PUF60: variants seen among roughly 807,000 people sequenced by gnomAD.
PUF60 encodes poly(U)-binding-splicing factor PUF60.
Under a neutral mutation model 61.8 loss-of-function variants are expected in PUF60, and 10 were observed. The ratio of observed to expected loss-of-function variants is 0.16; its 90% CI spans 0.10 to 0.27. The LOEUF (loss-of-function observed/expected upper bound fraction) is 0.27. Among genes scored for constraint, PUF60 ranks in the 10% least tolerant of loss-of-function variants. PUF60 has a pLI of 1.00. For missense variants in PUF60, 371 were observed against 754.0 expected, an observed-to-expected ratio of 0.49 and a Z score of 5.95; for synonymous variants, 353 against 300.9, an observed-to-expected ratio of 1.17 and a Z score of -1.79.
intron 2 of PUF60, chr8:143,823,000 G>A (rs1447157739): frequency 5.9e-6 from 1 of 168,540 alleles, no homozygotes; most frequent in African/African-American, 2.4e-5. Context: ...CAAGCCCCAA[G>A]AACCCCCTCC....
In PUF60 at chr8:143,826,612, G is replaced by A. The variant is rs535870162; in HGVS notation, c.25-2213C>T. ...CACCTGTAATCCCAGCTACTTGGGA[G>A]GCTGAGGTGCTACCATGAATTGCCT... On this transcript the variant is annotated intron_variant, in intron 1 of 11. Coordinates refer to ENST00000526683, the MANE Select transcript of PUF60 (RefSeq NM_078480.3). Among the ~76,000 whole-genome samples the A allele has an allele frequency of 5.9e-5, 9 of 152,300 alleles. No homozygotes were observed. The South Asian group carries it at 1.7e-3, about 28-fold the overall frequency.
intron 1 of PUF60, chr8:143,827,245 G>A: frequency 1.0e-5 from 4 of 395,562 alleles, no homozygotes; most frequent in East Asian, 7.4e-5. Flanking sequence ...CTCTCTATGA[G>A]GTGACATTGC....
At chr8:143,828,823 G>C (rs1049247712) in intron 1 of PUF60, among the ~76,000 whole-genome samples, 46 of 152,114 alleles carry the variant, frequency 3.0e-4, no homozygotes, top group African/African-American at 1.1e-3. Context: ...AGCCAAGGCC[G>C]CCCCATGCTC....
chr8:143,816,406 C>G lies in PUF60; in HGVS notation c.*114G>C. 1 of 1,226,328 alleles carries G rather than the reference C, an allele frequency of 8.2e-7. No homozygotes were observed. The highest frequency in any genetic ancestry group is 1.1e-6 in the Non-Finnish European group (1 of 898,460). The allele number at this position is 1,226,328 out of a possible 1,614,324, so 76.0% of individuals were successfully genotyped here. A position where few individuals can be genotyped will look rare whatever the true frequency, so the allele number is the denominator to read the frequency against. On this transcript the variant is annotated 3_prime_UTR_variant, in exon 12 of 12. Transcript: ENST00000526683. ...GGGCCAGCAGCATCCGCACCTTTATCCGCACTGTAGGCTGGGCTGGGCAGA... is the reference window on the plus strand; with the variant it reads ...GGGCCAGCAGCATCCGCACCTTTATGCGCACTGTAGGCTGGGCTGGGCAGA...
intron 4 of PUF60, 122 bp from the exon 5 acceptor site, chr8:143,820,838 C>G (rs1385942629): frequency 1.1e-6 from 1 of 938,080 alleles, no homozygotes; most frequent in African/African-American, 1.6e-5. Context: ...GGCCGCCTGC[C>G]TTCCCACACT....
At chr8:143,821,765 T>G (rs547659098) in intron 3 of PUF60, 53 bp downstream of exon 3, 4 of 939,366 alleles carry the variant, frequency 4.3e-6, no homozygotes, top group Non-Finnish European at 6.3e-6. Flanking sequence ...CCCCTGCCCC[T>G]GCCCCCAGTT....
intron 5 of PUF60, 93 bp downstream of exon 5, chr8:143,820,573 G>A (rs1816897432): frequency 2.2e-6 from 3 of 1,393,776 alleles, no homozygotes; most frequent in East Asian, 4.6e-5. Flanking sequence ...GGGCCGGCCA[G>A]GGGAGCAAGG....
At position 143,816,574 on chromosome 8, in the gene PUF60, C is replaced by A; in HGVS notation, c.1626G>T (p.Val542=). The change falls in exon 12 of 12, where the codon GTG becomes GTT. Residue 542 remains valine (V), a synonymous_variant. Transcript: ENST00000526683. ...LNGRWFAGRK[V]VAEVYDQERF... is the part of the protein sequence containing the mutation. The stretch of plus-strand genomic sequence containing the variant: ...GCTCCTGGTCGTACACTTCAGCCAC[C>A]ACCTTGCGGCCAGCAAACCAGCGGC... 6.2e-7 allele frequency: 1 copy of A among 1,613,660 alleles called. No homozygotes were observed. Among genetic ancestry groups the A allele is most frequent in the South Asian group, 1.1e-5 (1 of 91,086 alleles).
chr8:143,821,949 C>G, intron 2 of PUF60, 36 bp from the exon 3 acceptor site: 1 of 1,513,280 alleles, frequency 6.6e-7, no homozygotes. Flanking sequence ...CAGCAGCAAG[C>G]TCAAGTTCTC....
Position 143,824,361 on chromosome 8 carries a change from C to G in PUF60, c.63G>C (p.Ala21=). The G allele has an allele frequency of 6.2e-7, 1 of 1,612,650 alleles. No individual in the cohort carries two copies. The highest frequency in any genetic ancestry group is 1.3e-5 in the African/African-American group (1 of 75,050). Reference sequence around the variant, plus strand: ...CCGCTGCCACCACTGCCGCCGCCGCCGCCGGCTCGGACCCCCCTCCTTGCT... The same window carrying G: ...CCGCTGCCACCACTGCCGCCGCCGCGGCCGGCTCGGACCCCCCTCCTTGCT... The part of the protein sequence containing the change: ...NGQQGGGSEP[A]AAAAVVAAGD... Residue 21 remains alanine, a synonymous_variant, in exon 2 of 12, where the codon GCG becomes GCC. Coordinates refer to ENST00000526683, the MANE Select transcript of PUF60 (RefSeq NM_078480.3).
Position 143,818,930 on chromosome 8 carries a change from G to A in PUF60, c.349-396C>T, listed in dbSNP as rs1047923642. On this transcript the variant is annotated intron_variant, in intron 5 of 11. Transcript: ENST00000526683. The surrounding 1 kb of genome is among the most constrained non-coding windows in gnomAD (Gnocchi z 7.9). ...CAAGGACCACGACAGAAGAGGGAAG[G>A]AGGAACCATCCAAGCTGGAGGGACC... 3.4e-5 allele frequency: 8 copies of A among 234,222 alleles called. No homozygotes were observed. The highest frequency in any genetic ancestry group is 1.0e-4 in the Admixed American group (2 of 19,278). The allele number at this position is 234,222 out of a possible 1,614,324, so 14.5% of individuals were successfully genotyped here.
Position 143,828,447 on chromosome 8 carries a change from T to C in PUF60, c.24+833A>G, listed in dbSNP as rs895047244. ...GGTGAGAAGGAAAGACCAGACTTCA[T>C]CGTGCATGTGTTGTGTGCATGGGTG... is the stretch of plus-strand genomic sequence containing the variant. On this transcript the variant is annotated intron_variant, in intron 1 of 11. Coordinates refer to ENST00000526683, the MANE Select transcript of PUF60 (RefSeq NM_078480.3). Among the ~76,000 whole-genome samples, 7 of 152,222 alleles carry C rather than the reference T, an allele frequency of 4.6e-5. No homozygotes were observed. The East Asian group carries it at 5.8e-4, about 13-fold the overall frequency.
intron 1 of PUF60, among the ~76,000 whole-genome samples, chr8:143,826,641 C>G (rs979774180): frequency 6.6e-6 from 1 of 152,170 alleles, no homozygotes; most frequent in Non-Finnish European, 1.5e-5. Context: ...ATTGCCTGAA[C>G]CCAGGAGGCA....
Position 143,816,608 on chromosome 8 carries a change from G to A in PUF60, c.1592C>T (p.Ala531Val), listed in dbSNP as rs1409661791. 1 of 1,613,780 alleles carries A rather than the reference G, an allele frequency of 6.2e-7. No individual in the cohort carries two copies. Among genetic ancestry groups the A allele is most frequent in the South Asian group, 1.1e-5 (1 of 91,084 alleles). ...IASETHKAIQALNGRWFAGRK... is the reference protein window; with the variant it reads ...IASETHKAIQVLNGRWFAGRK... ...GCCAGCAAACCAGCGGCCATTGAGG[G>A]CCTGGATGGCCTTATGAGTCTCAGA... The change falls in exon 12 of 12, where the codon GCC becomes GTC. Residue 531 changes from alanine to valine, a missense_variant. Around this residue, in one of 13 missense-constraint regions of PUF60, gnomAD observed 19 missense variants for 16.9 expected, o/e 1.12. Coordinates refer to ENST00000526683, the MANE Select transcript of PUF60 (RefSeq NM_078480.3).
intron 1 of PUF60, 108 bp from the exon 2 acceptor site, chr8:143,824,507 C>T: frequency 3.3e-6 from 4 of 1,197,552 alleles, no homozygotes; most frequent in South Asian, 1.4e-5. Flanking sequence ...GCAAGGGAGG[C>T]CAGGCAGGGA....
In PUF60 at chr8:143,820,710, C is replaced by T; in HGVS notation, c.304G>A (p.Ala102Thr). ...QQQLTNLQMA[A>T]VTMGFGDPLS... is the part of the protein sequence containing the mutation. The stretch of plus-strand genomic sequence containing the variant: ...GGATCTCCAAAGCCCATTGTCACTG[C>T]TGCCATCTGAAAGACAGTAAAGACA... Residue 102 changes from alanine (A) to threonine (T), a missense_variant, in exon 5 of 12, where the codon GCA becomes ACA. By Grantham distance (58) the Ala-to-Thr change is moderately conservative (BLOSUM62 0). Transcript: ENST00000526683. The T allele has an allele frequency of 6.2e-7, 1 of 1,612,862 alleles. No homozygotes were observed. The highest frequency in any genetic ancestry group is 8.5e-7 in the Non-Finnish European group (1 of 1,179,242).
At chr8:143,822,520 A>T (rs4875063) in intron 2 of PUF60, 1 of 456,552 alleles carries the variant, frequency 2.2e-6, no homozygotes, top group Non-Finnish European at 4.4e-6. Context: ...CGGGCCACAC[A>T]AGCCCTGAAG....
intron 1 of PUF60, among the ~76,000 whole-genome samples, chr8:143,828,342 G>A (rs1036078066): frequency 6.6e-6 from 1 of 152,230 alleles, no homozygotes; most frequent in Non-Finnish European, 1.5e-5. Flanking sequence ...GGTGTGGGCT[G>A]GGGGAAGGGT....
intron 5 of PUF60, chr8:143,820,258 A>C (rs1351295002): frequency 4.3e-5 from 6 of 138,950 alleles, no homozygotes; most frequent in Non-Finnish European, 5.8e-5. Context: ...TGATGGGGCC[A>C]TGAGTTAGGA....
Sources: gnomAD v4.1 joint callset for allele counts (sites outside exome capture counted in the v4.1 genomes callset) on GRCh38, gnomAD v4.1.1 for gene constraint, gnomAD v4.1.1 regional missense constraint, Gnocchi (gnomAD v3.1) non-coding constraint, MANE v1.5 for transcripts, NCBI Gene and HGNC (gene_info 2026-07-23, HGNC 2026-07-21) for gene names.